PRPS2: variants seen among roughly 807,000 people sequenced by gnomAD.
PRPS2 encodes ribose-phosphate pyrophosphokinase 2.
For synonymous variants in PRPS2, 111 were observed against 115.3 expected (o/e 0.96, Z 0.24); for missense variants, 104 against 271.5 (o/e 0.38, Z 4.34).
chrX:12,817,709 T>C (rs111433494), intron 4 of PRPS2, among the ~76,000 whole-genome samples: 9 of 111,892 alleles, frequency 8.0e-5, no homozygotes, highest in African/African-American at 2.9e-4. Context: ...CCCAATGGAA[T>C]GTTATTCAGA....
chrX:12,804,969 A>G (rs2147217754), intron 2 of PRPS2, among the ~76,000 whole-genome samples: 1 of 111,896 alleles, frequency 8.9e-6, no homozygotes, highest in South Asian at 3.8e-4. Flanking sequence ...GCCCAGAAAA[A>G]AAAAATCTGG....
intron 2 of PRPS2, among the ~76,000 whole-genome samples, chrX:12,802,492 G>A (rs772548412): frequency 9.0e-6 from 1 of 111,381 alleles, no homozygotes; most frequent in African/African-American, 3.3e-5. Flanking sequence ...CATGCGCCAC[G>A]ACGCCTGGCT....
chrX:12,795,491 T>C (rs1400256961), intron 1 of PRPS2, among the ~76,000 whole-genome samples: 1 of 111,953 alleles, frequency 8.9e-6, no homozygotes, highest in Non-Finnish European at 1.9e-5. Flanking sequence ...AGAAATTTGT[T>C]TCTCACAGGT....
At chrX:12,810,389 G>A (rs2042617726) in intron 4 of PRPS2, 1 of 319,462 alleles carries the variant, frequency 3.1e-6, no homozygotes, top group Non-Finnish European at 5.3e-6. Flanking sequence ...TGGTTTATTT[G>A]TTTTCAGCAA....
intron 2 of PRPS2, among the ~76,000 whole-genome samples, chrX:12,801,887 G>A (rs773135085): frequency 8.9e-6 from 1 of 112,626 alleles, no homozygotes; most frequent in East Asian, 2.8e-4. Flanking sequence ...GGGATTACAG[G>A]CATGAGCTAC....
In PRPS2 at chrX:12,804,547, G is replaced by A. The variant is rs1373902549; in HGVS notation, c.307-4687G>A. ...TACTGAGAAACTGTACTTTGGTGAG[G>A]GGAACTGGGATTTAGTAAGCACCTA... On this transcript the variant is annotated intron_variant, in intron 2 of 6. Coordinates refer to ENST00000380668, the MANE Select transcript of PRPS2 (RefSeq NM_002765.5). Among the ~76,000 whole-genome samples, 3 of 111,223 alleles carry A rather than the reference G, an allele frequency of 2.7e-5. No homozygotes were observed. In the Admixed American group the frequency reaches 2.9e-4, roughly 11 times the overall value.
In PRPS2 at chrX:12,797,942, A is replaced by C. The variant is rs564464200; in HGVS notation, c.123-1265A>C. 4.4e-5 allele frequency among the ~76,000 whole-genome samples: 5 copies of C among 112,805 alleles called. No individual in the cohort carries two copies. The South Asian group carries it at 1.1e-3, about 25-fold the overall frequency. On this transcript the variant is annotated intron_variant, in intron 1 of 6. Transcript: ENST00000380668. ...AAAACAAGGAAGTATACCAAGAAAGAGGATACAGAAAATGGCAAATGGAGT... is the reference window on the plus strand; with the variant it reads ...AAAACAAGGAAGTATACCAAGAAAGCGGATACAGAAAATGGCAAATGGAGT...
chrX:12,799,998 T>C (rs765152857), intron 2 of PRPS2, among the ~76,000 whole-genome samples: 3 of 112,592 alleles, frequency 2.7e-5, no homozygotes, highest in Non-Finnish European at 5.6e-5. Flanking sequence ...TCTGTGAGTC[T>C]TTAGAAAAAA....
intron 4 of PRPS2, among the ~76,000 whole-genome samples, chrX:12,811,270 A>G (rs1434319502): frequency 8.9e-6 from 1 of 112,554 alleles, no homozygotes; most frequent in East Asian, 2.8e-4. Context: ...ACTGAGGTGA[A>G]GGAGAGTTAA....
At chrX:12,817,820 A>T (rs768501792) in intron 4 of PRPS2, among the ~76,000 whole-genome samples, 6 of 111,898 alleles carry the variant, frequency 5.4e-5, no homozygotes, top group African/African-American at 1.9e-4. Flanking sequence ...CACGTATTTT[A>T]TGATTCCATT....
At chrX:12,797,661 C>T (rs2042551084) in intron 1 of PRPS2, among the ~76,000 whole-genome samples, 1 of 112,003 alleles carries the variant, frequency 8.9e-6, no homozygotes, top group Admixed American at 9.5e-5. Context: ...ACAAATTTGC[C>T]TTTTCAAAAC....
rs1238336279 is a variant in PRPS2 at position 12,819,022 on chromosome X, G to A, written c.531-485G>A. On this transcript the variant is annotated intron_variant, in intron 4 of 6. Coordinates refer to ENST00000380668, the MANE Select transcript of PRPS2 (RefSeq NM_002765.5). Reference sequence around the variant, plus strand: ...TGATGTCTGAGCATTTGCCTTAGATGAGCAGAGGAGCTGGACTCACAGTTT... The same window carrying A: ...TGATGTCTGAGCATTTGCCTTAGATAAGCAGAGGAGCTGGACTCACAGTTT... 3.6e-5 allele frequency among the ~76,000 whole-genome samples: 4 copies of A among 111,974 alleles called. No individual in the cohort carries two copies. In the East Asian group the frequency reaches 1.1e-3, roughly 31 times the overall value.
intron 3 of PRPS2, among the ~76,000 whole-genome samples, chrX:12,809,678 G>T (rs189953967): frequency 6.1e-4 from 68 of 111,842 alleles, no homozygotes; most frequent in Non-Finnish European, 2.8e-4. Flanking sequence ...GTGCCACTTT[G>T]TGTTATATAA....
At position 12,791,449 on chromosome X, in the gene PRPS2, C is replaced by A. The variant is rs769932822; in HGVS notation, c.-49C>A. On this transcript the variant is annotated 5_prime_UTR_variant, in exon 1 of 7. Transcript: ENST00000380668. ...TCCCGCGTCGCTGTCGCTGTTGCCT[C>A]CGCCACCTCCTCCGCCGCCGCGCGC... is the stretch of plus-strand genomic sequence containing the variant. The A allele has an allele frequency of 8.5e-6, 10 of 1,179,400 alleles. No individual in the cohort carries two copies. The highest frequency in any genetic ancestry group is 1.8e-5 in the African/African-American group (1 of 56,879).
At chrX:12,805,529 A>G (rs1026721622) in intron 2 of PRPS2, among the ~76,000 whole-genome samples, 3 of 112,315 alleles carry the variant, frequency 2.7e-5, no homozygotes, top group Non-Finnish European at 3.8e-5. Flanking sequence ...CAATGTGTAC[A>G]TGAAGGGGTG....
At chrX:12,809,637 T>G (rs1167691428) in intron 3 of PRPS2, among the ~76,000 whole-genome samples, 1 of 111,958 alleles carries the variant, frequency 8.9e-6, no homozygotes, top group Admixed American at 9.5e-5. Flanking sequence ...TAACTTATTT[T>G]CTTTGTCTCT....
At chrX:12,801,013 T>C (rs1236380750) in intron 2 of PRPS2, among the ~76,000 whole-genome samples, 1 of 112,625 alleles carries the variant, frequency 8.9e-6, no homozygotes, top group Non-Finnish European at 1.9e-5. Flanking sequence ...ACTTTATTTA[T>C]GGACACTGAA....
chrX:12,816,104 GAATGAGTGTTTT>G (rs1263430170), intron 4 of PRPS2, among the ~76,000 whole-genome samples: 1 of 111,881 alleles, frequency 8.9e-6, no homozygotes, highest in Non-Finnish European at 1.9e-5. Flanking sequence ...GCATCCTGAA[GAATGAGTGTTTT>G]AAGGGTAGGA....
chrX:12,809,008 C>G (rs963486415), intron 2 of PRPS2, among the ~76,000 whole-genome samples: 1 of 112,340 alleles, frequency 8.9e-6, no homozygotes, highest in Admixed American at 9.5e-5. Context: ...TATTTGTTCT[C>G]TATACCCAGC....
Sources: gnomAD v4.1 joint callset for allele counts (sites outside exome capture counted in the v4.1 genomes callset) on GRCh38, gnomAD v4.1.1 for gene constraint, MANE v1.5 for transcripts, NCBI Gene and HGNC (gene_info 2026-07-23, HGNC 2026-07-21) for gene names.